FNDC3A: variants seen among roughly 807,000 people sequenced by gnomAD.
FNDC3A encodes the protein fibronectin type III domain containing 3A, also known as fibronectin type-III domain-containing protein 3A.
Under a neutral mutation model 148.9 loss-of-function variants are expected in FNDC3A, and 32 were observed. The ratio of observed to expected loss-of-function variants is 0.21; its 90% CI spans 0.16 to 0.29. The LOEUF (loss-of-function observed/expected upper bound fraction) is 0.29. Ranked by LOEUF, FNDC3A falls within the 10% of genes least tolerant of loss-of-function variation. The pLI is 1.00. For missense variants in FNDC3A, 1,191 were observed against 1,452.8 expected (o/e 0.82, Z 2.93); for synonymous variants, 472 against 473.6 (o/e 1.00, Z 0.04).
chr13:49,179,133 T>C (rs759296453), intron 14 of FNDC3A, among the ~76,000 whole-genome samples: 5 of 152,226 alleles, frequency 3.3e-5, no homozygotes, highest in African/African-American at 1.2e-4. Context: ...CTTTGTTATA[T>C]AGCGGTGCTT....
intron 2 of FNDC3A, among the ~76,000 whole-genome samples, chr13:49,024,437 G>A (rs117110535): frequency 4.2e-4 from 64 of 151,854 alleles, no homozygotes; most frequent in Middle Eastern, 3.4e-3. Context: ...GAAAGCTAAA[G>A]ACCAATATCC....
intron 3 of FNDC3A, among the ~76,000 whole-genome samples, chr13:49,090,870 T>C (rs1879146880): frequency 6.6e-6 from 1 of 152,168 alleles, no homozygotes; most frequent in Admixed American, 6.5e-5. Context: ...GGTGTATGCC[T>C]GTAGTCCCAG....
chr13:49,069,829 A>T (rs1877527728), intron 2 of FNDC3A, among the ~76,000 whole-genome samples: 1 of 152,224 alleles, frequency 6.6e-6, no homozygotes, highest in South Asian at 2.1e-4. Flanking sequence ...AAAATGAAGC[A>T]TATTTCCAAA....
At chr13:49,116,197 G>A (rs934129631) in intron 4 of FNDC3A, among the ~76,000 whole-genome samples, 5 of 151,904 alleles carry the variant, frequency 3.3e-5, no homozygotes, top group East Asian at 1.9e-4. Flanking sequence ...TCACTTCATC[G>A]TGAGCTCTGA....
chr13:49,016,603 C>T (rs1353597331), intron 2 of FNDC3A, among the ~76,000 whole-genome samples: 1 of 152,010 alleles, frequency 6.6e-6, no homozygotes, highest in Non-Finnish European at 1.5e-5. Context: ...CTATTTCCTT[C>T]AGTTCTGCTC....
intron 24 of FNDC3A, among the ~76,000 whole-genome samples, chr13:49,202,280 A>C (rs1221440296): frequency 6.6e-6 from 1 of 151,992 alleles, no homozygotes; most frequent in East Asian, 1.9e-4. Flanking sequence ...AAAATCACAA[A>C]CTCTGGTTGT....
At chr13:49,166,966 T>C (rs1223524481) in intron 8 of FNDC3A, among the ~76,000 whole-genome samples, 2 of 142,172 alleles carry the variant, frequency 1.4e-5, no homozygotes, top group East Asian at 4.1e-4. Context: ...TTCAGTAAGC[T>C]AAATATCTTC....
intron 2 of FNDC3A, among the ~76,000 whole-genome samples, chr13:49,058,997 C>T (rs954851325): frequency 6.6e-6 from 1 of 152,106 alleles, no homozygotes; most frequent in Non-Finnish European, 1.5e-5. Flanking sequence ...CTTAACAGGA[C>T]CAGAGGTAAG....
At chr13:49,125,102 A>G (rs1881613527) in intron 4 of FNDC3A, among the ~76,000 whole-genome samples, 1 of 152,160 alleles carries the variant, frequency 6.6e-6, no homozygotes, top group African/African-American at 2.4e-5. Context: ...CGACTTTGGG[A>G]AAAGTTTCAG....
chr13:49,056,492 T>A (rs953619027), intron 2 of FNDC3A, among the ~76,000 whole-genome samples: 1 of 152,188 alleles, frequency 6.6e-6, no homozygotes, highest in African/African-American at 2.4e-5. Flanking sequence ...TTCATGTCAT[T>A]AAGTCACTGC....
At chr13:49,035,905 G>A (rs555458667) in intron 2 of FNDC3A, among the ~76,000 whole-genome samples, 2 of 152,114 alleles carry the variant, frequency 1.3e-5, no homozygotes, top group African/African-American at 2.4e-5. Context: ...TCGTTAGTTT[G>A]ATAATATTCT....
intron 7 of FNDC3A, among the ~76,000 whole-genome samples, chr13:49,141,252 CTT>C (rs990922782): frequency 2.0e-5 from 3 of 152,170 alleles, no homozygotes; most frequent in Non-Finnish European, 4.4e-5. Context: ...AAAGTGTTGT[CTT>C]TTCATTTGTT....
chr13:49,019,408 C>A (rs1873132436), intron 2 of FNDC3A, among the ~76,000 whole-genome samples: 1 of 152,244 alleles, frequency 6.6e-6, no homozygotes, highest in Non-Finnish European at 1.5e-5. Context: ...GGAAAGGGAA[C>A]TCCCTGACCC....
At chr13:49,163,161 C>T (rs2138030381) in intron 8 of FNDC3A, among the ~76,000 whole-genome samples, 1 of 152,308 alleles carries the variant, frequency 6.6e-6, no homozygotes, top group South Asian at 2.1e-4. Flanking sequence ...CTACTCTCCT[C>T]AAAGCTGTCA....
At chr13:49,113,907 A>G (rs139082781) in intron 3 of FNDC3A, among the ~76,000 whole-genome samples, 2 of 152,362 alleles carry the variant, frequency 1.3e-5, no homozygotes, top group Admixed American at 1.3e-4. Flanking sequence ...AAGAGAAGGT[A>G]AACTAGAGAT....
chr13:49,132,157 T>A (rs1363744219), intron 5 of FNDC3A, among the ~76,000 whole-genome samples: 3 of 152,202 alleles, frequency 2.0e-5, no homozygotes, highest in East Asian at 1.9e-4. Context: ...TTTTCTGAAA[T>A]TTTTTTTACT....
At chr13:49,160,258 T>G (rs562981165) in intron 8 of FNDC3A, among the ~76,000 whole-genome samples, 1 of 152,326 alleles carries the variant, frequency 6.6e-6, no homozygotes, top group South Asian at 2.1e-4. Context: ...TGGGCTTTTT[T>G]TGGTTGGTAG....
chr13:49,088,176 A>G (rs939507452), intron 3 of FNDC3A, among the ~76,000 whole-genome samples: 4 of 152,214 alleles, frequency 2.6e-5, no homozygotes, highest in African/African-American at 9.6e-5. Context: ...ACATTCAATT[A>G]TAATAAAATT....
intron 10 of FNDC3A, among the ~76,000 whole-genome samples, chr13:49,171,596 C>A (rs1171442687): frequency 9.2e-5 from 14 of 152,122 alleles, no homozygotes; most frequent in Admixed American, 9.2e-4. Flanking sequence ...AGTATAGAAA[C>A]AAGGACCAAG....
Sources: gnomAD v4.1 joint callset for allele counts (sites outside exome capture counted in the v4.1 genomes callset) on GRCh38, gnomAD v4.1.1 for gene constraint, MANE v1.5 for transcripts, NCBI Gene and HGNC (gene_info 2026-07-23, HGNC 2026-07-21) for gene names.